The following ATP8B4 variants were observed in gnomAD, a reference collection of about 807,000 sequenced individuals.
ATP8B4 encodes the protein probable phospholipid-transporting ATPase IM.
Under a neutral mutation model 145.6 loss-of-function variants are expected in ATP8B4, and 133 were observed. The observed-to-expected ratio is 0.91, with a 90% CI of 0.79 to 1.05. ATP8B4 has a LOEUF of 1.05. Among genes scored for constraint, ATP8B4 ranks in the 50% least tolerant of loss-of-function variants. The pLI, the probability that ATP8B4 is intolerant of heterozygous loss-of-function variation, is 0.00. For synonymous variants in ATP8B4, 507 were observed against 492.9 expected, an observed-to-expected ratio of 1.03 and a Z score of -0.38; for missense variants, 1,458 against 1,425.2, an observed-to-expected ratio of 1.02 and a Z score of -0.37.
chr15:49,903,169 G>A (rs1035503164), intron 20 of ATP8B4, among the ~76,000 whole-genome samples: 3 of 152,038 alleles, frequency 2.0e-5, no homozygotes, highest in African/African-American at 4.8e-5. Context: ...CTTTGCCCAC[G>A]CTCTGTAGCT....
At chr15:49,949,830 T>G (rs185806298) in intron 14 of ATP8B4, among the ~76,000 whole-genome samples, 1 of 152,302 alleles carries the variant, frequency 6.6e-6, no homozygotes, top group Non-Finnish European at 1.5e-5. Flanking sequence ...TTGAGATATG[T>G]CCCATCAATA....
At chr15:50,039,407 G>A (rs1421247118) in intron 5 of ATP8B4, among the ~76,000 whole-genome samples, 1 of 149,684 alleles carries the variant, frequency 6.7e-6, no homozygotes, top group Non-Finnish European at 1.5e-5. Flanking sequence ...CCAAATGGTT[G>A]TATTTCTTAT....
At chr15:49,938,855 G>A (rs1169149099) in intron 14 of ATP8B4, among the ~76,000 whole-genome samples, 1 of 152,016 alleles carries the variant, frequency 6.6e-6, no homozygotes, top group Non-Finnish European at 1.5e-5. Flanking sequence ...CACATACTCA[G>A]CCATAAAGCA....
At chr15:49,947,514 T>C (rs1292586557) in intron 14 of ATP8B4, among the ~76,000 whole-genome samples, 1 of 151,532 alleles carries the variant, frequency 6.6e-6, no homozygotes, top group African/African-American at 2.4e-5. Context: ...CCAATGGTCA[T>C]GGAGTAGAAG....
intron 1 of ATP8B4, among the ~76,000 whole-genome samples, chr15:50,165,255 G>C (rs1567414957): frequency 6.6e-6 from 1 of 152,036 alleles, no homozygotes; most frequent in South Asian, 2.1e-4. Flanking sequence ...GTTTTACCCT[G>C]TTGGCTAGGC....
At chr15:50,034,270 A>C (rs2153596187) in intron 6 of ATP8B4, among the ~76,000 whole-genome samples, 3 of 136,262 alleles carry the variant, frequency 2.2e-5, no homozygotes, top group Admixed American at 8.0e-5. Flanking sequence ...CACTCTTGTC[A>C]CCCAGGCTGG....
At chr15:50,163,334 T>C (rs762603467) in intron 1 of ATP8B4, among the ~76,000 whole-genome samples, 9 of 152,260 alleles carry the variant, frequency 5.9e-5, no homozygotes, top group Non-Finnish European at 1.0e-4. Flanking sequence ...CAGCTATATC[T>C]GCATTGGGGG....
At chr15:49,962,855 T>C (rs1216308635) in intron 13 of ATP8B4, among the ~76,000 whole-genome samples, 1 of 152,132 alleles carries the variant, frequency 6.6e-6, no homozygotes, top group Non-Finnish European at 1.5e-5. Flanking sequence ...CCTTTCCCTA[T>C]TGTGAGTCAT....
chr15:50,155,024 T>G (rs931479160), intron 1 of ATP8B4, among the ~76,000 whole-genome samples: 26 of 152,182 alleles, frequency 1.7e-4, no homozygotes, highest in Admixed American at 1.3e-4. Context: ...TTTATCTTGT[T>G]TACATTACCT....
chr15:49,892,431 T>C (rs1216989167), intron 23 of ATP8B4, among the ~76,000 whole-genome samples: 1 of 152,226 alleles, frequency 6.6e-6, no homozygotes, highest in African/African-American at 2.4e-5. Context: ...TTTTGTCCCT[T>C]GGACTAGAGT....
At chr15:50,049,263 T>C (rs1298914778) in intron 3 of ATP8B4, among the ~76,000 whole-genome samples, 1 of 152,232 alleles carries the variant, frequency 6.6e-6, no homozygotes, top group Admixed American at 6.5e-5. Flanking sequence ...ACAAGCATAG[T>C]ATCCAATAGG....
intron 23 of ATP8B4, among the ~76,000 whole-genome samples, chr15:49,888,655 T>C (rs2036476095): frequency 6.6e-6 from 1 of 152,164 alleles, no homozygotes; most frequent in Non-Finnish European, 1.5e-5. Context: ...GTTACAGGTA[T>C]AAATTGTGAA....
At position 49,860,439 on chromosome 15, in the gene ATP8B4, G is replaced by A. The variant is rs754827446; in HGVS notation, c.3334C>T (p.Pro1112Ser). The change falls in exon 28 of 28, where the codon CCT becomes TCT. Residue 1112 changes from proline to serine, a missense_variant. By Grantham distance (74) the Pro-to-Ser change is moderately conservative. Transcript: ENST00000284509. ...GTCCGAGGCCTTCGGCTACTTGGAG[G>A]CCTTGCCTTCTTTTGAGCCTTCTGC... ...RWQKAQKKARPPSSRRPRTRR... is the reference protein window; with the variant it reads ...RWQKAQKKARSPSSRRPRTRR... 2 of 1,612,984 alleles carry A rather than the reference G, an allele frequency of 1.2e-6. No individual in the cohort carries two copies. Among genetic ancestry groups the A allele is most frequent in the Admixed American group, 1.7e-5 (1 of 59,824 alleles).
At chr15:49,915,409 G>A (rs1293046475) in intron 20 of ATP8B4, among the ~76,000 whole-genome samples, 1 of 152,078 alleles carries the variant, frequency 6.6e-6, no homozygotes, top group African/African-American at 2.4e-5. Flanking sequence ...AATATGGTGG[G>A]TATAGTTAGC....
At chr15:49,965,156 G>C (rs894973606) in intron 13 of ATP8B4, among the ~76,000 whole-genome samples, 1 of 152,196 alleles carries the variant, frequency 6.6e-6, no homozygotes, top group African/African-American at 2.4e-5. Flanking sequence ...TGCCAGAGAA[G>C]GCAGGAGGGG....
At chr15:50,027,903 A>G (rs955358774) in intron 6 of ATP8B4, among the ~76,000 whole-genome samples, 4 of 152,238 alleles carry the variant, frequency 2.6e-5, no homozygotes, top group South Asian at 2.1e-4. Context: ...GACCTACTGT[A>G]TACTGTTTCA....
chr15:49,944,613 A>G (rs1203736615), intron 14 of ATP8B4, among the ~76,000 whole-genome samples: 1 of 152,186 alleles, frequency 6.6e-6, no homozygotes, highest in Non-Finnish European at 1.5e-5. Context: ...CATTACAATA[A>G]TAGTAAGAGG....
intron 3 of ATP8B4, among the ~76,000 whole-genome samples, chr15:50,051,004 A>G (rs2052144245): frequency 6.6e-6 from 1 of 152,116 alleles, no homozygotes; most frequent in African/African-American, 2.4e-5. Context: ...CTGTTAAATG[A>G]CCATTTTTAA....
intron 23 of ATP8B4, among the ~76,000 whole-genome samples, chr15:49,882,973 T>G (rs1021423282): frequency 2.0e-5 from 3 of 152,224 alleles, no homozygotes; most frequent in Admixed American, 6.5e-5. Context: ...TTTATAGTTA[T>G]AGCCCAGTGA....
Sources: gnomAD v4.1 joint callset for allele counts (sites outside exome capture counted in the v4.1 genomes callset) on GRCh38, gnomAD v4.1.1 for gene constraint, MANE v1.5 for transcripts, NCBI Gene and HGNC (gene_info 2026-07-23, HGNC 2026-07-21) for gene names.